FNDC1: variants seen among roughly 807,000 people sequenced by gnomAD.
FNDC1 encodes the protein fibronectin type III domain containing 1.
Under a neutral mutation model 168.0 loss-of-function variants are expected in FNDC1, and 96 were observed. The observed-to-expected ratio is 0.57, with a 90% CI of 0.48 to 0.68. FNDC1 has a LOEUF of 0.68. Among genes scored for constraint, FNDC1 ranks in the 30% least tolerant of loss-of-function variants. The pLI is 0.00. For missense variants in FNDC1, 2,587 were observed against 2,482.1 expected (o/e 1.04, Z -0.90); for synonymous variants, 1,099 against 1,025.9 (o/e 1.07, Z -1.36).
rs746763901 is a variant in FNDC1, at chr6:159,249,135, C to G, written c.4787C>G (p.Ser1596Cys). 1 of 1,610,956 alleles carries G rather than the reference C, an allele frequency of 6.2e-7. No individual in the cohort carries two copies. The highest frequency in any genetic ancestry group is 8.5e-7 in the Non-Finnish European group (1 of 1,178,586). ...RVIPEEGAIS[S>C]FPEEEFDLAG... ...ATCCCAGAGGAAGGCGCCATCAGTTCCTTTCCTGAAGAAGAATTTGATCTG... is the reference window on the plus strand; with the variant it reads ...ATCCCAGAGGAAGGCGCCATCAGTTGCTTTCCTGAAGAAGAATTTGATCTG... The change falls in exon 16 of 23, where the codon TCC becomes TGC. Residue 1596 changes from serine (S) to cysteine (C), a missense_variant. By Grantham distance (112) the Ser-to-Cys change is moderately radical. Coordinates refer to ENST00000297267, the MANE Select transcript of FNDC1 (RefSeq NM_032532.3).
At chr6:159,250,675 A>G (rs294901) in intron 16 of FNDC1, among the ~76,000 whole-genome samples, 96,177 of 152,094 alleles carry the variant, frequency 0.63, 31,943 homozygotes, top group Middle Eastern at 0.74. Flanking sequence ...TCCCAGGACC[A>G]TGTATCCCCT....
intron 22 of FNDC1, among the ~76,000 whole-genome samples, chr6:159,270,625 T>C (rs389546): frequency 0.88 from 134,562 of 152,260 alleles, 59,535 homozygotes; most frequent in East Asian, 0.99. Context: ...AGAGCAGTTA[T>C]TGAGTTTCCA....
chr6:159,205,711 A>T (rs172437), intron 4 of FNDC1, among the ~76,000 whole-genome samples: 71,868 of 152,062 alleles, frequency 0.47, 19,047 homozygotes, highest in African/African-American at 0.72. Flanking sequence ...ATGTCATGAA[A>T]CTATGAGGCT....
intron 4 of FNDC1, among the ~76,000 whole-genome samples, chr6:159,204,319 A>G (rs1782440757): frequency 6.6e-6 from 1 of 152,060 alleles, no homozygotes; most frequent in South Asian, 2.1e-4. Context: ...GACCCATTTG[A>G]TATTCTCACC....
chr6:159,176,719 G>A (rs1041148642), intron 1 of FNDC1, among the ~76,000 whole-genome samples: 6 of 152,174 alleles, frequency 3.9e-5, no homozygotes, highest in South Asian at 2.1e-4. Context: ...GGTGGCCACC[G>A]AGGGAGTGCC....
chr6:159,233,640 C>T lies in FNDC1; in HGVS notation c.3128C>T (p.Pro1043Leu), dbSNP rs761399501. The T allele has an allele frequency of 8.4e-6, 13 of 1,555,520 alleles. No homozygotes were observed. The highest frequency in any genetic ancestry group is 6.9e-6 in the Non-Finnish European group (8 of 1,152,208). Residue 1043 changes from proline (P) to leucine (L), a missense_variant, in exon 11 of 23, where the codon CCC (proline) becomes CTC (leucine). Transcript: ENST00000297267. This position sits in a 1 kb window ranked among gnomAD's most constrained non-coding sequence, Gnocchi z 4.6. ...CTGACCCAGGCCGGGCGGCCCCGCC[C>T]CACGTCGCAGGGCCGCTCCCACTCC... ...LSLTQAGRPR[P>L]TSQGRSHSSS...
At chr6:159,231,392 A>T (rs1262082355) in intron 10 of FNDC1, among the ~76,000 whole-genome samples, 2 of 152,046 alleles carry the variant, frequency 1.3e-5, no homozygotes, top group African/African-American at 4.8e-5. Context: ...AAAAAAAAAA[A>T]AAATTACAAA....
At chr6:159,220,567 G>T (rs561268293) in intron 5 of FNDC1, among the ~76,000 whole-genome samples, 1 of 152,320 alleles carries the variant, frequency 6.6e-6, no homozygotes, top group Admixed American at 6.5e-5. Context: ...TCACTCAATT[G>T]TTAGGGCTTT....
chr6:159,233,485 T>G lies in FNDC1; in HGVS notation c.2973T>G (p.Ser991Arg). 6.2e-7 allele frequency: 1 copy of G among 1,605,018 alleles called. No individual in the cohort carries two copies. The highest frequency in any genetic ancestry group is 8.5e-7 in the Non-Finnish European group (1 of 1,178,538). ...CAGCACGGTCACAGCAGCATCCCAG[T>G]GTTCCCAGAAGGATGACACCCGGCC... The part of the protein sequence containing the change: ...PPAARSQQHP[S>R]VPRRMTPGRA... The change falls in exon 11 of 23, where the codon AGT (serine) becomes AGG (arginine). Residue 991 changes from serine (S) to arginine (R), a missense_variant. Coordinates refer to ENST00000297267, the MANE Select transcript of FNDC1 (RefSeq NM_032532.3). The surrounding 1 kb of genome is among the most constrained non-coding windows in gnomAD (Gnocchi z 4.6).
intron 18 of FNDC1, 57 bp downstream of exon 18, chr6:159,256,688 G>A: frequency 7.6e-7 from 1 of 1,320,056 alleles, no homozygotes. Flanking sequence ...TTGCTGATTT[G>A]CTTTGGTTGG....
chr6:159,196,390 G>C lies in FNDC1; in HGVS notation c.110-1041G>C, dbSNP rs150375473. On this transcript the variant is annotated intron_variant, in intron 1 of 22. Coordinates refer to ENST00000297267, the MANE Select transcript of FNDC1 (RefSeq NM_032532.3). Reference sequence around the variant, plus strand: ...TACTCCAGAGGCAATGGGCAATTTTGGGAGGAGTGATGTGTGTTAGAATTA... The same window carrying C: ...TACTCCAGAGGCAATGGGCAATTTTCGGAGGAGTGATGTGTGTTAGAATTA... Among the ~76,000 whole-genome samples the C allele has an allele frequency of 8.8e-4, 134 of 152,270 alleles. 1 individual carries two copies. Among genetic ancestry groups the C allele is most frequent in the African/African-American group, 3.2e-3 (132 of 41,562 alleles).
intron 1 of FNDC1, among the ~76,000 whole-genome samples, chr6:159,195,869 A>C (rs2114943105): frequency 6.6e-6 from 1 of 152,324 alleles, no homozygotes; most frequent in South Asian, 2.1e-4. Flanking sequence ...CTGTAAAGAA[A>C]AGTGCGATAT....
intron 19 of FNDC1, 47 bp from the exon 20 acceptor site, chr6:159,264,928 A>G: frequency 6.6e-7 from 1 of 1,524,968 alleles, no homozygotes; most frequent in Non-Finnish European, 8.9e-7. Context: ...GAATTGCATG[A>G]TTGTGAAATA....
chr6:159,201,934 A>C (rs1453527953), intron 4 of FNDC1, among the ~76,000 whole-genome samples: 1 of 152,236 alleles, frequency 6.6e-6, no homozygotes, highest in Non-Finnish European at 1.5e-5. Flanking sequence ...TTAATTTCTT[A>C]TGCCCTCTTT....
chr6:159,265,079 C>G, intron 20 of FNDC1, 75 bp downstream of exon 20: 1 of 1,288,638 alleles, frequency 7.8e-7, no homozygotes, highest in Non-Finnish European at 1.1e-6. Flanking sequence ...GTTGTGATTA[C>G]TCACAATTAG....
At chr6:159,194,801 G>A (rs545026251) in intron 1 of FNDC1, among the ~76,000 whole-genome samples, 45 of 152,270 alleles carry the variant, frequency 3.0e-4, no homozygotes, top group Non-Finnish European at 5.1e-4. Flanking sequence ...ACTTCACTCA[G>A]AGCTGAGGCA....
chr6:159,247,748 A>G (rs1777168300), intron 15 of FNDC1, among the ~76,000 whole-genome samples: 1 of 152,232 alleles, frequency 6.6e-6, no homozygotes, highest in Admixed American at 6.5e-5. Context: ...CAAACAAAAA[A>G]AACACTTTTT....
Position 159,193,471 on chromosome 6 carries a change from A to G in FNDC1, c.110-3960A>G, listed in dbSNP as rs1475012922. ...ACCTCCTTTCCTTCAACCATAAACC[A>G]TTTAAGTGAGCACCAAGTGTGTGGG... On this transcript the variant is annotated intron_variant, in intron 1 of 22. Coordinates refer to ENST00000297267, the MANE Select transcript of FNDC1 (RefSeq NM_032532.3). 2.6e-5 allele frequency among the ~76,000 whole-genome samples: 4 copies of G among 152,066 alleles called. No homozygotes were observed. In the South Asian group the frequency reaches 6.2e-4, roughly 24 times the overall value.
rs369467600 is a variant in FNDC1 at position 159,251,540 on chromosome 6, C to T, written c.5065+8C>T. The T allele has an allele frequency of 1.2e-6, 2 of 1,609,694 alleles. No homozygotes were observed. Among genetic ancestry groups the T allele is most frequent in the African/African-American group, 1.3e-5 (1 of 74,924 alleles). On this transcript the variant is annotated splice_region_variant and intron_variant, in intron 17 of 22. Coordinates refer to ENST00000297267, the MANE Select transcript of FNDC1 (RefSeq NM_032532.3). ...CAGGAGATGTGGTCACAGGTGTGTC[C>T]TAAGCAGAAATCAGAGTTCCCATGA...
Sources: gnomAD v4.1 joint callset for allele counts (sites outside exome capture counted in the v4.1 genomes callset) on GRCh38, gnomAD v4.1.1 for gene constraint, Gnocchi (gnomAD v3.1) non-coding constraint, MANE v1.5 for transcripts, NCBI Gene and HGNC (gene_info 2026-07-23, HGNC 2026-07-21) for gene names.